The following ITIH2 variants were observed in gnomAD, a reference collection of about 807,000 sequenced individuals.
ITIH2 encodes inter-alpha-trypsin inhibitor heavy chain 2.
Under a neutral mutation model 104.4 loss-of-function variants are expected in ITIH2, and 103 were observed. That is an observed-to-expected ratio of 0.99 (90% CI 0.84 to 1.16). ITIH2 has a LOEUF of 1.16. Ranked by LOEUF, ITIH2 falls within the 50% of genes most tolerant of loss-of-function variation. The probability of loss-of-function intolerance (pLI) is 0.00; values close to 1 mark genes in which losing one functional copy is unlikely to be tolerated. For synonymous variants in ITIH2, 436 were observed against 435.4 expected (o/e 1.00, Z -0.02); for missense variants, 1,108 against 1,162.4 (o/e 0.95, Z 0.68).
chr10:7,708,629 C>G (rs1306089897), intron 3 of ITIH2, among the ~76,000 whole-genome samples: 1 of 152,152 alleles, frequency 6.6e-6, no homozygotes, highest in Non-Finnish European at 1.5e-5. Context: ...AACCAAGTTC[C>G]TCTTTCAACC....
chr10:7,745,855 T>C (rs1052959940), intron 19 of ITIH2, among the ~76,000 whole-genome samples: 2 of 151,252 alleles, frequency 1.3e-5, no homozygotes, highest in East Asian at 2.1e-4. Context: ...CCCCGGTTCA[T>C]GCGATTCTCT....
intron 6 of ITIH2, among the ~76,000 whole-genome samples, chr10:7,718,130 G>C (rs1348163211): frequency 6.6e-6 from 1 of 152,146 alleles, no homozygotes; most frequent in African/African-American, 2.4e-5. Context: ...CTCCAGGGGA[G>C]AGCCCGTTCC....
Position 7,730,068 on chromosome 10 carries a change from T to C in ITIH2, c.1396T>C (p.Ser466Pro). ...GGACTATGATTTTTTGAAGAGACTG[T>C]CCAATGAAAACCATGGAATTGCACA... is the stretch of plus-strand genomic sequence containing the variant. The part of the protein sequence containing the change: ...DVDYDFLKRL[S>P]NENHGIAQRI... The change falls in exon 12 of 21, where the codon TCC becomes CCC. Residue 466 changes from serine to proline, a missense_variant. Physicochemically the swap from Ser to Pro is moderately conservative, Grantham distance 74. Transcript: ENST00000358415. 2.5e-6 allele frequency: 4 copies of C among 1,613,396 alleles called. No homozygotes were observed. The highest frequency in any genetic ancestry group is 3.4e-6 in the Non-Finnish European group (4 of 1,179,422).
intron 16 of ITIH2, among the ~76,000 whole-genome samples, chr10:7,741,283 A>G (rs528227363): frequency 1.0e-4 from 15 of 149,864 alleles, no homozygotes; most frequent in Admixed American, 3.4e-4. Flanking sequence ...GGTTCAAGCA[A>G]TTCTCCTGCC....
chr10:7,737,510 T>C (rs1835068030), intron 15 of ITIH2, among the ~76,000 whole-genome samples: 1 of 137,564 alleles, frequency 7.3e-6, no homozygotes, highest in South Asian at 2.2e-4. Flanking sequence ...TTTTGTATTC[T>C]ATATATTATA....
chr10:7,745,062 G>A (rs1835164007), intron 19 of ITIH2, 99 bp downstream of exon 19: 5 of 1,044,294 alleles, frequency 4.8e-6, no homozygotes, highest in Non-Finnish European at 2.9e-6. Flanking sequence ...GGCAGGTGTG[G>A]ACTCATGAGC....
intron 20 of ITIH2, 102 bp from the exon 21 acceptor site, chr10:7,749,085 A>C: frequency 8.6e-7 from 1 of 1,164,426 alleles, no homozygotes; most frequent in Non-Finnish European, 1.3e-6. Flanking sequence ...GGGGCGGCAG[A>C]TGTGGTGACA....
intron 15 of ITIH2, 118 bp from the exon 16 acceptor site, chr10:7,738,503 A>G (rs1835093059): frequency 1.8e-6 from 2 of 1,134,206 alleles, no homozygotes; most frequent in African/African-American, 3.1e-5. Flanking sequence ...ATAAAAACAG[A>G]GGAGAAAAAC....
intron 3 of ITIH2, among the ~76,000 whole-genome samples, chr10:7,708,277 C>T (rs1834765596): frequency 1.3e-5 from 2 of 152,226 alleles, no homozygotes; most frequent in South Asian, 2.1e-4. Context: ...AGCTCTCAGT[C>T]ACCTCCTGAA....
chr10:7,722,618 C>T (rs1834914848), intron 8 of ITIH2, among the ~76,000 whole-genome samples: 1 of 152,150 alleles, frequency 6.6e-6, no homozygotes, highest in African/African-American at 2.4e-5. Context: ...TTTCTCATCT[C>T]TGGGGCTGCG....
intron 6 of ITIH2, among the ~76,000 whole-genome samples, chr10:7,718,598 G>A (rs1180156044): frequency 6.6e-6 from 1 of 152,028 alleles, no homozygotes; most frequent in Non-Finnish European, 1.5e-5. Context: ...ATGTCACAGG[G>A]GTTGGGTGTA....
At position 7,732,476 on chromosome 10, in the gene ITIH2, C is replaced by T. The variant is rs552885999; in HGVS notation, c.1786C>T (p.Arg596Ter). The part of the protein sequence containing the change: ...YLTINQLLAE[R>*]SLAPTAAAKR... Reference sequence around the variant, plus strand: ...AACCATCAACCAACTGCTAGCTGAACGGTAAGAAGAGAAGAGTACCCACAC... The same window carrying T: ...AACCATCAACCAACTGCTAGCTGAATGGTAAGAAGAGAAGAGTACCCACAC... Residue 596 changes from arginine (R) to a stop codon, truncating the protein, a stop_gained and splice_region_variant, in exon 14 of 21, where the codon CGA (arginine) becomes TGA (stop). Coordinates refer to ENST00000358415, the MANE Select transcript of ITIH2 (RefSeq NM_002216.3). LOFTEE classifies it high-confidence loss of function. 67 of 1,612,800 alleles carry T rather than the reference C, an allele frequency of 4.2e-5. No homozygotes were observed. The East Asian group carries it at 9.6e-4, about 23-fold the overall frequency.
Position 7,717,195 on chromosome 10 carries a change from G to A in ITIH2, c.468-431G>A, listed in dbSNP as rs376540179. Among the ~76,000 whole-genome samples the A allele has an allele frequency of 4.6e-3, 694 of 152,132 alleles. 7 individuals carry two copies. The highest frequency in any genetic ancestry group is 0.016 in the African/African-American group (667 of 41,498). ...TCTCGAACTCCTGACCTCGTGATCC[G>A]CCTGCCTCGGCCTCCCAAAGTGCTG... On this transcript the variant is annotated intron_variant, in intron 5 of 20. Coordinates refer to ENST00000358415, the MANE Select transcript of ITIH2 (RefSeq NM_002216.3).
chr10:7,730,845 CAGCT>C (rs1245831597), intron 12 of ITIH2, among the ~76,000 whole-genome samples: 1 of 152,028 alleles, frequency 6.6e-6, no homozygotes, highest in African/African-American at 2.4e-5. Context: ...ACTATTAACC[CAGCT>C]GACTTTTGTA....
Position 7,713,305 on chromosome 10 carries a change from GGCTT to G in ITIH2, c.467+23_467+26del. On this transcript the variant is annotated intron_variant, in intron 5 of 20. Transcript: ENST00000358415. ...GGTGAGGTAAGGCCTGAGTGAGCAA[GGCTT>G]GCCCTTGCCTCTCAATGACGGTTTC... 6.3e-7 allele frequency: 1 copy of G among 1,582,574 alleles called. No homozygotes were observed. The highest frequency in any genetic ancestry group is 1.1e-5 in the South Asian group (1 of 89,726).
In ITIH2 at chr10:7,744,239, C is replaced by A. The variant is rs1418266154; in HGVS notation, c.2367C>A (p.Phe789Leu). 3 of 1,614,140 alleles carry A rather than the reference C, an allele frequency of 1.9e-6. No individual in the cohort carries two copies. The highest frequency in any genetic ancestry group is 2.7e-5 in the African/African-American group (2 of 75,052). The change falls in exon 18 of 21, where the codon TTC becomes TTA. Residue 789 changes from phenylalanine to leucine, a missense_variant. Physicochemically the swap from Phe to Leu is conservative, Grantham distance 22. Coordinates refer to ENST00000358415, the MANE Select transcript of ITIH2 (RefSeq NM_002216.3). Reference sequence around the variant, plus strand: ...CCCTGAGCCATGGTTCTAGCACATTCTCCTTGTCCTGGTCCGACACGGCTC... The same window carrying A: ...CCCTGAGCCATGGTTCTAGCACATTATCCTTGTCCTGGTCCGACACGGCTC... Reference protein sequence around the residue: ...TITLSHGSSTFSLSWSDTAQV... With the variant: ...TITLSHGSSTLSLSWSDTAQV...
intron 9 of ITIH2, among the ~76,000 whole-genome samples, chr10:7,724,231 C>T: frequency 6.6e-6 from 1 of 152,044 alleles, no homozygotes; most frequent in East Asian, 1.9e-4. Flanking sequence ...TATTTTTGAC[C>T]ACCCAAGAGT....
At chr10:7,744,697 G>A in intron 18 of ITIH2, 94 bp from the exon 19 acceptor site, 1 of 997,660 alleles carries the variant, frequency 1.0e-6, no homozygotes, top group Non-Finnish European at 1.5e-6. Context: ...AATTGTCTGG[G>A]AGGAGTGAAG....
chr10:7,741,619 G>T (rs553580214), intron 16 of ITIH2, among the ~76,000 whole-genome samples: 1 of 152,306 alleles, frequency 6.6e-6, no homozygotes, highest in South Asian at 2.1e-4. Context: ...CACTGCACAA[G>T]CTTCCTGTAA....
Sources: allele counts gnomAD v4.1 joint callset (sites outside exome capture counted in the v4.1 genomes callset), GRCh38; gene constraint gnomAD v4.1.1; transcripts MANE v1.5; gene names NCBI Gene and HGNC (gene_info 2026-07-23, HGNC 2026-07-21).